PRMT3: variants seen among roughly 807,000 people sequenced by gnomAD.
PRMT3 encodes protein arginine methyltransferase 3, also known as protein arginine N-methyltransferase 3.
A neutral mutation model predicts 71.9 loss-of-function variants in PRMT3; 62 were observed. That is an observed-to-expected ratio of 0.86 (90% CI 0.70 to 1.07). The LOEUF (loss-of-function observed/expected upper bound fraction) is 1.07, where lower values mean the gene tolerates loss of function less well. Ranked by LOEUF, PRMT3 falls within the 50% of genes least tolerant of loss-of-function variation. PRMT3 has a pLI of 0.00. For synonymous variants in PRMT3, 213 were observed against 220.4 expected, an observed-to-expected ratio of 0.97 and a Z score of 0.30; for missense variants, 663 against 643.0, an observed-to-expected ratio of 1.03 and a Z score of -0.34.
chr11:20,464,852 C>T (rs1038499837), intron 13 of PRMT3, among the ~76,000 whole-genome samples: 1 of 152,186 alleles, frequency 6.6e-6, no homozygotes, highest in Non-Finnish European at 1.5e-5. Flanking sequence ...GACCAAAGTT[C>T]ATACCCTATT....
intron 14 of PRMT3, 63 bp downstream of exon 14, chr11:20,494,032 G>C: frequency 6.8e-7 from 1 of 1,463,172 alleles, no homozygotes; most frequent in Non-Finnish European, 9.5e-7. Flanking sequence ...ATTTTATTTT[G>C]TGCCCCAAGG....
At chr11:20,454,425 G>C (rs988393879) in intron 11 of PRMT3, among the ~76,000 whole-genome samples, 2 of 152,092 alleles carry the variant, frequency 1.3e-5, no homozygotes, top group African/African-American at 4.8e-5. Context: ...TCATCAGAGG[G>C]ATAAAGTGGA....
intron 10 of PRMT3, among the ~76,000 whole-genome samples, chr11:20,449,368 T>C (rs1850099267): frequency 6.6e-6 from 1 of 152,186 alleles, no homozygotes; most frequent in Non-Finnish European, 1.5e-5. Context: ...GGAAAATTTT[T>C]CATTTTTGCA....
intron 10 of PRMT3, among the ~76,000 whole-genome samples, chr11:20,449,750 AAGC>A (rs1565217302): frequency 1.3e-5 from 2 of 152,092 alleles, no homozygotes; most frequent in Admixed American, 6.6e-5. Flanking sequence ...CAAAAATAAA[AAGC>A]AGTTTCATTT....
At chr11:20,403,213 C>G (rs1007262543) in intron 8 of PRMT3, among the ~76,000 whole-genome samples, 1 of 152,156 alleles carries the variant, frequency 6.6e-6, no homozygotes, top group Admixed American at 6.5e-5. Flanking sequence ...AATGGCGTAA[C>G]TTAGTTATAA....
intron 9 of PRMT3, among the ~76,000 whole-genome samples, chr11:20,413,751 T>C (rs77895849): frequency 0.047 from 7,133 of 152,252 alleles, 270 homozygotes; most frequent in East Asian, 0.2. Flanking sequence ...CTTCAAGCTT[T>C]AGTCGTACTC....
At position 20,508,379 on chromosome 11, in the gene PRMT3, T is replaced by TG; in HGVS notation, c.1563dup (p.Asn522GlufsTer2). 1 of 1,609,192 alleles carries TG rather than the reference T, an allele frequency of 6.2e-7. No homozygotes were observed. The highest frequency in any genetic ancestry group is 8.5e-7 in the Non-Finnish European group (1 of 1,175,686). Reference sequence around the variant, plus strand: ...CGTTCTCTCACCGTGACCCTCACGTTGAATAATTCAACTCAAACTTATGGT... The same window carrying TG: ...CGTTCTCTCACCGTGACCCTCACGTTGGAATAATTCAACTCAAACTTATGGT... On this transcript the variant is annotated frameshift_variant, in exon 16 of 16. Transcript: ENST00000331079. LOFTEE classifies it high-confidence loss of function.
chr11:20,388,184 C>T lies in PRMT3; in HGVS notation c.164+30C>T, dbSNP rs763721506. On this transcript the variant is annotated intron_variant, in intron 2 of 15. Transcript: ENST00000331079. Reference sequence around the variant, plus strand: ...GTCCGCCTCAGCGCCTGGCCTCTGCCCTAGGGTGCCCGGGCGCGTGGGGTC... The same window carrying T: ...GTCCGCCTCAGCGCCTGGCCTCTGCTCTAGGGTGCCCGGGCGCGTGGGGTC... 22 of 1,611,480 alleles carry T rather than the reference C, an allele frequency of 1.4e-5. 1 individual carries two copies. In the Admixed American group the frequency reaches 3.5e-4, roughly 26 times the overall value.
chr11:20,444,152 T>C (rs538575128), intron 10 of PRMT3, among the ~76,000 whole-genome samples: 1 of 152,312 alleles, frequency 6.6e-6, no homozygotes, highest in South Asian at 2.1e-4. Context: ...TATACAGATA[T>C]TATAAATTTT....
intron 13 of PRMT3, among the ~76,000 whole-genome samples, chr11:20,477,254 C>A (rs994622393): frequency 6.6e-6 from 1 of 152,110 alleles, no homozygotes; most frequent in Non-Finnish European, 1.5e-5. Context: ...GAGTTGAGAA[C>A]TGGTAGACAC....
intron 5 of PRMT3, among the ~76,000 whole-genome samples, chr11:20,394,130 A>C (rs1848774520): frequency 6.6e-6 from 1 of 152,208 alleles, no homozygotes; most frequent in Non-Finnish European, 1.5e-5. Context: ...ACAACTAAAA[A>C]ATGAATAGGA....
Position 20,462,170 on chromosome 11 carries a change from A to G in PRMT3, c.1260+3A>G. 6.4e-7 allele frequency: 1 copy of G among 1,571,442 alleles called. No individual in the cohort carries two copies. Among genetic ancestry groups the G allele is most frequent in the Admixed American group, 1.7e-5 (1 of 57,600 alleles). ...TTTCAGAACCTTGTGGTATTAAGGTAGGTGTTTTACCAACTTTATTTTTTA... is the reference window on the plus strand; with the variant it reads ...TTTCAGAACCTTGTGGTATTAAGGTGGGTGTTTTACCAACTTTATTTTTTA... On this transcript the variant is annotated splice_donor_region_variant and intron_variant, in intron 12 of 15. Coordinates refer to ENST00000331079, the MANE Select transcript of PRMT3 (RefSeq NM_005788.4).
chr11:20,426,755 A>G lies in PRMT3; in HGVS notation c.894-11A>G. ...GTTTAACCTACTAATCTAATTCATT[A>G]TAATTTTCAGACTAAATAAACTTGA... is the stretch of plus-strand genomic sequence containing the variant. On this transcript the variant is annotated splice_polypyrimidine_tract_variant and intron_variant, in intron 9 of 15. Transcript: ENST00000331079. 1 of 1,457,214 alleles carries G rather than the reference A, an allele frequency of 6.9e-7. No individual in the cohort carries two copies. Among genetic ancestry groups the G allele is most frequent in the Non-Finnish European group, 9.0e-7 (1 of 1,107,988 alleles). The allele number at this position is 1,457,214 out of a possible 1,614,324, so 90.3% of individuals were successfully genotyped here.
chr11:20,488,302 T>C (rs1851126289), intron 13 of PRMT3, among the ~76,000 whole-genome samples: 1 of 152,200 alleles, frequency 6.6e-6, no homozygotes, highest in African/African-American at 2.4e-5. Context: ...TAGCTTATGT[T>C]TGTATTTTCA....
At position 20,389,837 on chromosome 11, in the gene PRMT3, T is replaced by C. The variant is rs1265242251; in HGVS notation, c.247+11T>C. On this transcript the variant is annotated intron_variant, in intron 3 of 15. Transcript: ENST00000331079. ...TGGTTCATAAACATGGTGAGTAGTT[T>C]TTAGAATAAAGGCAATTTAATTTGT... is the stretch of plus-strand genomic sequence containing the variant. 1.3e-6 allele frequency: 2 copies of C among 1,592,092 alleles called. No homozygotes were observed. The highest frequency in any genetic ancestry group is 2.7e-5 in the African/African-American group (2 of 74,370).
intron 2 of PRMT3, among the ~76,000 whole-genome samples, chr11:20,389,113 T>C (rs1447506536): frequency 1.3e-5 from 2 of 152,236 alleles, no homozygotes; most frequent in Non-Finnish European, 2.9e-5. Flanking sequence ...GGAAAACTAA[T>C]GCTCCACATG....
intron 10 of PRMT3, among the ~76,000 whole-genome samples, chr11:20,451,280 G>C (rs1354407204): frequency 6.6e-6 from 1 of 151,724 alleles, no homozygotes. Context: ...CACTAGTTCT[G>C]CAAGGTGTTG....
chr11:20,435,142 C>G (rs758285510), intron 10 of PRMT3, among the ~76,000 whole-genome samples: 3 of 152,104 alleles, frequency 2.0e-5, no homozygotes, highest in Non-Finnish European at 2.9e-5. Flanking sequence ...GAAGCGTTTC[C>G]CCTATGTTTT....
chr11:20,404,217 T>TTTTTGTTTTTG (rs1849016388), intron 8 of PRMT3, among the ~76,000 whole-genome samples: 1 of 47,880 alleles, frequency 2.1e-5, no homozygotes, highest in African/African-American at 7.7e-5. Context: ...CATAGTTTTT[T>TTTTTGTTTTTG]TTTTTTTTTT....
Sources: gnomAD v4.1 joint callset for allele counts (sites outside exome capture counted in the v4.1 genomes callset) on GRCh38, gnomAD v4.1.1 for gene constraint, MANE v1.5 for transcripts, NCBI Gene and HGNC (gene_info 2026-07-23, HGNC 2026-07-21) for gene names.